The following FBXO31 variants were observed in gnomAD, a reference collection of about 807,000 sequenced individuals.
The protein encoded by FBXO31 is F-box protein 31.
A neutral mutation model predicts 54.4 loss-of-function variants in FBXO31; 24 were observed. That is an observed-to-expected ratio of 0.44 (90% CI 0.32 to 0.62). The LOEUF (loss-of-function observed/expected upper bound fraction) is 0.62. Among genes scored for constraint, FBXO31 ranks in the 20% least tolerant of loss-of-function variants. The pLI is 0.05. For missense variants in FBXO31, 665 were observed against 787.1 expected (o/e 0.84, Z 1.86); for synonymous variants, 388 against 335.6 (o/e 1.16, Z -1.71).
In FBXO31 at chr16:87,383,607, A is replaced by G; in HGVS notation, c.138T>C (p.Ala46=). Residue 46 remains alanine, a synonymous_variant, in exon 1 of 9, where the codon GCT becomes GCC. Transcript: ENST00000311635. This position sits in a 1 kb window ranked among gnomAD's most constrained non-coding sequence, Gnocchi z 4.9. ...ACAAGCCGCCCCCGACCCCGGCGCT[A>G]GCCTCGATGCGCTCCTCCTCGGGGT... is the stretch of plus-strand genomic sequence containing the variant. The part of the protein sequence containing the change: ...DTDPEEERIE[A]SAGVGGGLCA... 6.8e-7 allele frequency: 1 copy of G among 1,468,018 alleles called. No homozygotes were observed. Among genetic ancestry groups the G allele is most frequent in the Non-Finnish European group, 9.0e-7 (1 of 1,115,546 alleles). 90.9% of individuals were successfully genotyped at this position (1,468,018 alleles called of 1,614,324 possible). A position where few individuals can be genotyped will look rare whatever the true frequency, so the allele number is the denominator to read the frequency against.
chr16:87,340,515 A>C (rs763441588), intron 5 of FBXO31, among the ~76,000 whole-genome samples: 11 of 152,276 alleles, frequency 7.2e-5, no homozygotes, highest in Non-Finnish European at 1.6e-4. Context: ...ATTTCACATC[A>C]GAATAGATCC....
intron 1 of FBXO31, among the ~76,000 whole-genome samples, chr16:87,372,424 G>A (rs1489087716): frequency 2.6e-5 from 4 of 152,174 alleles, no homozygotes; most frequent in Non-Finnish European, 4.4e-5. Flanking sequence ...CAGGACACGG[G>A]CCAGTGTTCC....
At chr16:87,359,996 A>C (rs1401639033) in intron 2 of FBXO31, among the ~76,000 whole-genome samples, 1 of 152,204 alleles carries the variant, frequency 6.6e-6, no homozygotes, top group African/African-American at 2.4e-5. Context: ...AGCCAGAGAA[A>C]CAGGCAGCCT....
In FBXO31 at chr16:87,331,099, A is replaced by G; in HGVS notation, c.*189T>C. 3 of 590,534 alleles carry G rather than the reference A, an allele frequency of 5.1e-6. No individual in the cohort carries two copies. The highest frequency in any genetic ancestry group is 2.1e-5 in the South Asian group (1 of 47,390). 36.6% of individuals were successfully genotyped at this position (590,534 alleles called of 1,614,324 possible). On this transcript the variant is annotated 3_prime_UTR_variant, in exon 9 of 9. Coordinates refer to ENST00000311635, the MANE Select transcript of FBXO31 (RefSeq NM_024735.5). ...CATGCTCAGCTTCTTCCATCATGGC[A>G]CTGACAAATATGCAGGTCTATGTCA...
At chr16:87,341,214 T>C (rs1379604684) in intron 5 of FBXO31, among the ~76,000 whole-genome samples, 1 of 152,242 alleles carries the variant, frequency 6.6e-6, no homozygotes, top group East Asian at 1.9e-4. Context: ...TCAAAATCAG[T>C]GAGCCCACAC....
chr16:87,365,527 G>A (rs1427730160), intron 1 of FBXO31, among the ~76,000 whole-genome samples: 1 of 152,166 alleles, frequency 6.6e-6, no homozygotes, highest in Non-Finnish European at 1.5e-5. Flanking sequence ...GCCTCCTTGG[G>A]AGCTCGGCAG....
At chr16:87,380,948 T>A (rs1907050201) in intron 1 of FBXO31, among the ~76,000 whole-genome samples, 1 of 152,244 alleles carries the variant, frequency 6.6e-6, no homozygotes, top group Non-Finnish European at 1.5e-5. Context: ...AACCTTGTTA[T>A]CCCTCTGCTG....
At position 87,331,114 on chromosome 16, in the gene FBXO31, G is replaced by A. The variant is rs1904837957; in HGVS notation, c.*174C>T. ...CCATCATGGCACTGACAAATATGCA[G>A]GTCTATGTCACACTCTCTACATAAA... is the stretch of plus-strand genomic sequence containing the variant. On this transcript the variant is annotated 3_prime_UTR_variant, in exon 9 of 9. Coordinates refer to ENST00000311635, the MANE Select transcript of FBXO31 (RefSeq NM_024735.5). 1.6e-6 allele frequency: 1 copy of A among 614,944 alleles called. No individual in the cohort carries two copies. Among genetic ancestry groups the A allele is most frequent in the African/African-American group, 1.8e-5 (1 of 54,214 alleles). 38.1% of individuals were successfully genotyped at this position (614,944 alleles called of 1,614,324 possible). A position where few individuals can be genotyped will look rare whatever the true frequency, so the allele number is the denominator to read the frequency against.
At chr16:87,392,101 C>T (rs1322186446), upstream of FBXO31, 1 of 263,092 alleles carries the variant, frequency 3.8e-6, no homozygotes, top group African/African-American at 2.2e-5. Flanking sequence ...CCTCAGGCGC[C>T]CAGCGGTGCT....
intron 8 of FBXO31, among the ~76,000 whole-genome samples, chr16:87,332,345 G>A (rs915957672): frequency 5.9e-5 from 9 of 152,170 alleles, no homozygotes; most frequent in African/African-American, 1.9e-4. Flanking sequence ...TATTCAGCAC[G>A]TCAGGGACTG....
chr16:87,390,835 G>C (rs1245554223), upstream of FBXO31, among the ~76,000 whole-genome samples: 1 of 152,088 alleles, frequency 6.6e-6, no homozygotes, highest in Non-Finnish European at 1.5e-5. Flanking sequence ...GGGCTCAAGC[G>C]ATCCTCCCAG....
At chr16:87,337,043 C>G (rs1238970677) in intron 5 of FBXO31, among the ~76,000 whole-genome samples, 1 of 152,240 alleles carries the variant, frequency 6.6e-6, no homozygotes, top group Non-Finnish European at 1.5e-5. Context: ...TCATACATCA[C>G]TGCTCCAAAC....
At position 87,336,373 on chromosome 16, in the gene FBXO31, G is replaced by T; in HGVS notation, c.733-109C>A. 1.1e-6 allele frequency: 1 copy of T among 899,088 alleles called. No individual in the cohort carries two copies. The highest frequency in any genetic ancestry group is 1.8e-6 in the Non-Finnish European group (1 of 565,014). The allele number at this position is 899,088 out of a possible 1,614,324, so 55.7% of individuals were successfully genotyped here. A position where few individuals can be genotyped will look rare whatever the true frequency, so the allele number is the denominator to read the frequency against. ...TGTGTCCTTCTTTGTCAGTGCACAG[G>T]CACCTGCAGGGCCCTCTTGGTGGGG... On this transcript the variant is annotated intron_variant, in intron 5 of 8. Coordinates refer to ENST00000311635, the MANE Select transcript of FBXO31 (RefSeq NM_024735.5). The surrounding 1 kb of genome is among the most constrained non-coding windows in gnomAD (Gnocchi z 6.5).
At chr16:87,365,303 A>C (rs1906319804) in intron 1 of FBXO31, among the ~76,000 whole-genome samples, 1 of 151,788 alleles carries the variant, frequency 6.6e-6, no homozygotes, top group Admixed American at 6.6e-5. Context: ...CCTCAGACCA[A>C]TCCCACTCCT....
chr16:87,341,584 A>C (rs574168012), intron 5 of FBXO31, among the ~76,000 whole-genome samples: 45 of 145,440 alleles, frequency 3.1e-4, no homozygotes, highest in Admixed American at 5.8e-4. Flanking sequence ...TGAACCGGGA[A>C]GGCGGAAGTT....
chr16:87,379,119 C>CTTTTG (rs922997396), intron 1 of FBXO31, among the ~76,000 whole-genome samples: 1 of 151,990 alleles, frequency 6.6e-6, no homozygotes, highest in Non-Finnish European at 1.5e-5. Flanking sequence ...ATCACATACC[C>CTTTTG]TTTTGTTTTG....
At chr16:87,379,324 G>T (rs115894259) in intron 1 of FBXO31, among the ~76,000 whole-genome samples, 7 of 152,224 alleles carry the variant, frequency 4.6e-5, no homozygotes, top group African/African-American at 1.2e-4. Context: ...CTGCAGAGCT[G>T]GGGGGAGAAT....
At position 87,345,018 on chromosome 16, in the gene FBXO31, C is replaced by T. The variant is rs986792595; in HGVS notation, c.490-1253G>A. 2.0e-5 allele frequency among the ~76,000 whole-genome samples: 3 copies of T among 151,722 alleles called. No individual in the cohort carries two copies. The highest frequency in any genetic ancestry group is 2.9e-5 in the Non-Finnish European group (2 of 67,848). ...CTGGGGGCAGAGCCCATCCCTGCCC[C>T]GAACCCCACCTGAGGAACAAAGCCC... On this transcript the variant is annotated intron_variant, in intron 3 of 8. Transcript: ENST00000311635. The surrounding 1 kb of genome is among the most constrained non-coding windows in gnomAD (Gnocchi z 4.9).
chr16:87,348,287 C>T (rs1298985887), intron 2 of FBXO31, among the ~76,000 whole-genome samples: 6 of 152,218 alleles, frequency 3.9e-5, no homozygotes, highest in Admixed American at 3.3e-4. Context: ...AGCCCCTCTC[C>T]GGCCCCTGCA....
Sources: allele counts gnomAD v4.1 joint callset (sites outside exome capture counted in the v4.1 genomes callset), GRCh38; gene constraint gnomAD v4.1.1; non-coding constraint Gnocchi (gnomAD v3.1); transcripts MANE v1.5; gene names NCBI Gene and HGNC (gene_info 2026-07-23, HGNC 2026-07-21).